The following NTRK3 variants were observed in gnomAD, a reference collection of about 807,000 sequenced individuals.
The protein encoded by NTRK3 is NT-3 growth factor receptor.
Under a neutral mutation model 91.7 loss-of-function variants are expected in NTRK3, and 24 were observed. The observed-to-expected ratio is 0.26, with a 90% CI of 0.19 to 0.37. The LOEUF is 0.37. NTRK3 is among the 10% of genes least tolerant of loss of function. The probability of loss-of-function intolerance (pLI) is 1.00; values close to 1 mark genes in which losing one functional copy is unlikely to be tolerated. For missense variants in NTRK3, 880 were observed against 1,068.9 expected, an observed-to-expected ratio of 0.82 and a Z score of 2.46; for synonymous variants, 483 against 404.0, an observed-to-expected ratio of 1.20 and a Z score of -2.34.
exon 19 of NTRK3, chr15:87,860,879 G>A (rs2064507316): frequency 4.5e-6 from 1 of 220,292 alleles, no homozygotes; most frequent in Admixed American, 5.8e-5. Flanking sequence ...TAAAATAAAG[G>A]GCATAAGATC....
chr15:88,124,046 G>A (rs1305067055), intron 13 of NTRK3, among the ~76,000 whole-genome samples: 3 of 152,150 alleles, frequency 2.0e-5, no homozygotes, highest in African/African-American at 7.2e-5. Flanking sequence ...GCATTCGGAT[G>A]GTTGGGGGGC....
chr15:87,922,388 T>C (rs1206936315), intron 17 of NTRK3, among the ~76,000 whole-genome samples: 1 of 152,160 alleles, frequency 6.6e-6, no homozygotes, highest in Non-Finnish European at 1.5e-5. Context: ...TTGCTGCACC[T>C]CAGGTCCTCC....
chr15:87,977,415 A>G (rs932762837), intron 14 of NTRK3: 19 of 208,352 alleles, frequency 9.1e-5, no homozygotes, highest in African/African-American at 3.6e-4. Context: ...GAACACTCCT[A>G]TAAGTCTCTG....
chr15:88,198,880 A>C (rs2048056013), intron 3 of NTRK3, among the ~76,000 whole-genome samples: 1 of 151,248 alleles, frequency 6.6e-6, no homozygotes, highest in African/African-American at 2.4e-5. Context: ...ACTGACACAC[A>C]CTCCTCAGAG....
chr15:88,054,916 A>T (rs1241025321), intron 13 of NTRK3, among the ~76,000 whole-genome samples: 1 of 152,172 alleles, frequency 6.6e-6, no homozygotes, highest in Non-Finnish European at 1.5e-5. Flanking sequence ...ACCATTTTGC[A>T]GATGAGAAAA....
intron 14 of NTRK3, chr15:87,977,590 C>T (rs780788406): frequency 5.2e-5 from 12 of 231,276 alleles, no homozygotes; most frequent in Non-Finnish European, 1.0e-4. Context: ...TGGGAGGAGG[C>T]CCTGGACCCA....
chr15:87,916,383 C>A, intron 17 of NTRK3: 1 of 581,722 alleles, frequency 1.7e-6, no homozygotes, highest in Non-Finnish European at 3.1e-6. Context: ...TAAGGGCCCT[C>A]CACAGGAGTA....
chr15:87,933,413 C>T (rs143930992), intron 15 of NTRK3, among the ~76,000 whole-genome samples: 1 of 152,358 alleles, frequency 6.6e-6, no homozygotes, highest in Non-Finnish European at 1.5e-5. Flanking sequence ...ATCCACATCC[C>T]GTGCACTCTC....
At chr15:88,114,662 A>G (rs1197275766) in intron 13 of NTRK3, among the ~76,000 whole-genome samples, 1 of 152,262 alleles carries the variant, frequency 6.6e-6, no homozygotes, top group Non-Finnish European at 1.5e-5. Context: ...TGCAAAGGCA[A>G]CAGGGAAACA....
chr15:88,204,094 A>G (rs1049651883), intron 3 of NTRK3, among the ~76,000 whole-genome samples: 2 of 152,100 alleles, frequency 1.3e-5, no homozygotes. Context: ...GTGTGTTCTC[A>G]TTGTTCAACT....
At chr15:87,919,107 A>G (rs543017076) in intron 17 of NTRK3, among the ~76,000 whole-genome samples, 10 of 100,200 alleles carry the variant, frequency 1.0e-4, no homozygotes, top group African/African-American at 6.4e-4. Flanking sequence ...TGAAAAGATG[A>G]AAAGCCTCAC....
intron 13 of NTRK3, among the ~76,000 whole-genome samples, chr15:88,108,184 T>C (rs1464365550): frequency 1.3e-5 from 2 of 152,210 alleles, no homozygotes; most frequent in Non-Finnish European, 2.9e-5. Flanking sequence ...AAAGTGTGCC[T>C]TGCTTGTATC....
At chr15:88,251,628 A>C (rs4887400) in intron 3 of NTRK3, among the ~76,000 whole-genome samples, 51,363 of 152,226 alleles carry the variant, frequency 0.34, 8,769 homozygotes, top group East Asian at 0.38. Flanking sequence ...ATACCAAAGG[A>C]GGGCCTCAGG....
chr15:88,174,663 G>A (rs1191811330), intron 5 of NTRK3, among the ~76,000 whole-genome samples: 1 of 152,238 alleles, frequency 6.6e-6, no homozygotes, highest in African/African-American at 2.4e-5. Context: ...GGAAACAGCT[G>A]TGCACACCCC....
chr15:87,982,365 G>A (rs1277438523), intron 14 of NTRK3, among the ~76,000 whole-genome samples: 2 of 151,476 alleles, frequency 1.3e-5, no homozygotes, highest in East Asian at 3.9e-4. Flanking sequence ...CTGGTAAAGG[G>A]GTAAATGGTG....
chr15:88,086,785 A>T (rs1001268196), intron 13 of NTRK3, among the ~76,000 whole-genome samples: 2 of 152,218 alleles, frequency 1.3e-5, no homozygotes, highest in Non-Finnish European at 2.9e-5. Flanking sequence ...AGCAAGAGGG[A>T]TCCTCTCCTA....
At chr15:87,881,421 ATTTATTTAT>A (rs1233709409) in intron 17 of NTRK3, among the ~76,000 whole-genome samples, 1 of 151,366 alleles carries the variant, frequency 6.6e-6, no homozygotes, top group Non-Finnish European at 1.5e-5. Flanking sequence ...TTATTTATTT[ATTTATTTAT>A]TTATTTTGAG....
chr15:87,859,971 T>A (rs1202882619), exon 19 of NTRK3: 1 of 193,140 alleles, frequency 5.2e-6, no homozygotes, highest in Non-Finnish European at 1.1e-5. Flanking sequence ...CATGTACATG[T>A]GCATATACAT....
intron 5 of NTRK3, among the ~76,000 whole-genome samples, chr15:88,176,325 C>T (rs2045992906): frequency 1.3e-5 from 2 of 151,914 alleles, no homozygotes; most frequent in Admixed American, 1.3e-4. Flanking sequence ...TTAGTAGAGA[C>T]GGGGTTTCAC....
Sources: allele counts gnomAD v4.1 joint callset (sites outside exome capture counted in the v4.1 genomes callset), GRCh38; gene constraint gnomAD v4.1.1; transcripts MANE v1.5; gene names NCBI Gene and HGNC (gene_info 2026-07-23, HGNC 2026-07-21).